AK5: variants seen among roughly 807,000 people sequenced by gnomAD.
AK5 encodes the protein adenylate kinase isoenzyme 5.
Under a neutral mutation model 69.5 loss-of-function variants are expected in AK5, and 27 were observed. The observed-to-expected ratio is 0.39, with a 90% CI of 0.29 to 0.54. The LOEUF (loss-of-function observed/expected upper bound fraction) is 0.54. Ranked by LOEUF, AK5 falls within the 20% of genes least tolerant of loss-of-function variation. The probability of loss-of-function intolerance (pLI) is 0.71; values close to 1 mark genes in which losing one functional copy is unlikely to be tolerated. For synonymous variants in AK5, 260 were observed against 244.4 expected, an observed-to-expected ratio of 1.06 and a Z score of -0.60; for missense variants, 531 against 700.4, an observed-to-expected ratio of 0.76 and a Z score of 2.73.
chr1:77,391,525 A>ATATATG (rs146163792), intron 6 of AK5, among the ~76,000 whole-genome samples: 3,121 of 121,534 alleles, frequency 0.026, 94 homozygotes, highest in Non-Finnish European at 0.037. Flanking sequence ...ATATATATAT[A>ATATATG]TATCTCCTCA....
chr1:77,392,568 T>C (rs1648557123), intron 6 of AK5, among the ~76,000 whole-genome samples: 1 of 152,338 alleles, frequency 6.6e-6, no homozygotes, highest in African/African-American at 2.4e-5. Context: ...CTATATTGGT[T>C]TCTCTTCCGT....
intron 6 of AK5, among the ~76,000 whole-genome samples, chr1:77,362,046 G>C (rs1288307739): frequency 5.3e-5 from 8 of 152,142 alleles, no homozygotes; most frequent in Non-Finnish European, 1.2e-4. Context: ...ATCTCATAGA[G>C]TTGTTGAGAA....
At chr1:77,455,893 C>G (rs998597014) in intron 8 of AK5, among the ~76,000 whole-genome samples, 12 of 152,190 alleles carry the variant, frequency 7.9e-5, no homozygotes. Flanking sequence ...GGAAGGCTGA[C>G]AGCTGAAAGG....
At chr1:77,444,251 CA>C (rs1652539234) in intron 8 of AK5, among the ~76,000 whole-genome samples, 1 of 47,250 alleles carries the variant, frequency 2.1e-5, no homozygotes, top group Non-Finnish European at 4.2e-5. Flanking sequence ...ATATACACAA[CA>C]TATGTGTATA....
At chr1:77,461,466 G>T (rs1653835744) in intron 8 of AK5, among the ~76,000 whole-genome samples, 2 of 150,972 alleles carry the variant, frequency 1.3e-5, no homozygotes, top group African/African-American at 4.9e-5. Context: ...CAGGTAGAAA[G>T]AATACATTCA....
intron 6 of AK5, among the ~76,000 whole-genome samples, chr1:77,367,779 AAT>A (rs374017451): frequency 9.6e-5 from 1 of 10,420 alleles, no homozygotes; most frequent in African/African-American, 2.4e-4. Flanking sequence ...TGTTATATAT[AAT>A]ATATGTTATA....
intron 12 of AK5, among the ~76,000 whole-genome samples, chr1:77,533,509 C>CAAAAAA (rs10526328): frequency 2.1e-5 from 2 of 94,970 alleles, no homozygotes; most frequent in African/African-American, 5.0e-5. Flanking sequence ...ACTCTGTCAC[C>CAAAAAA]AAAAAAAAAA....
chr1:77,455,918 G>T (rs567349431), intron 8 of AK5, among the ~76,000 whole-genome samples: 2 of 152,204 alleles, frequency 1.3e-5, no homozygotes, highest in Non-Finnish European at 2.9e-5. Context: ...AAGTCTTCCA[G>T]AATAGAGCAG....
chr1:77,365,960 C>T (rs1006375965), intron 6 of AK5, among the ~76,000 whole-genome samples: 2 of 152,128 alleles, frequency 1.3e-5, no homozygotes, highest in African/African-American at 4.8e-5. Flanking sequence ...AATGGCACTG[C>T]TTGGGCAATG....
chr1:77,538,864 T>C (rs1015387443), intron 13 of AK5, among the ~76,000 whole-genome samples: 3 of 152,208 alleles, frequency 2.0e-5, no homozygotes, highest in Non-Finnish European at 2.9e-5. Flanking sequence ...ATCTGATTTC[T>C]GGAATCTTCC....
At position 77,367,599 on chromosome 1, in the gene AK5, A is replaced by ATATATATATGTT. The variant is rs756398279; in HGVS notation, c.891+27031_891+27032insTATATATATGTT. Among the ~76,000 whole-genome samples the ATATATATATGTT allele has an allele frequency of 7.1e-4, 45 of 63,144 alleles. 7 individuals are homozygous for ATATATATATGTT. The East Asian group carries it at 0.011, about 16-fold the overall frequency. 41.4% of individuals were successfully genotyped at this position (63,144 alleles called of 152,430 possible). ...TATATAATATATATGTTATATATGT[A>ATATATATATGTT]ATATATATGTAATATATATGTTATA... On this transcript the variant is annotated intron_variant, in intron 6 of 13. Transcript: ENST00000354567.
At chr1:77,290,233 A>G (rs1442268758) in intron 2 of AK5, among the ~76,000 whole-genome samples, 1 of 152,228 alleles carries the variant, frequency 6.6e-6, no homozygotes, top group Admixed American at 6.5e-5. Flanking sequence ...TGGTCCTGTA[A>G]TAATACAATT....
intron 5 of AK5, among the ~76,000 whole-genome samples, chr1:77,334,469 G>A (rs866509387): frequency 2.6e-5 from 4 of 152,032 alleles, no homozygotes; most frequent in South Asian, 4.1e-4. Context: ...TTGCTTCTTG[G>A]ATCTGGGACT....
chr1:77,491,304 A>ATTTTTTTTTTTT (rs10700619), intron 10 of AK5, among the ~76,000 whole-genome samples: 29 of 87,370 alleles, frequency 3.3e-4, no homozygotes, highest in African/African-American at 6.2e-4. Flanking sequence ...CATGAATTGA[A>ATTTTTTTTTTTT]TTTTTTTTTT....
At chr1:77,434,795 G>A (rs1651859465) in intron 8 of AK5, among the ~76,000 whole-genome samples, 1 of 152,178 alleles carries the variant, frequency 6.6e-6, no homozygotes, top group South Asian at 2.1e-4. Context: ...AGTCTAACCT[G>A]ATGAAAAACT....
chr1:77,438,322 A>C (rs1024443306), intron 8 of AK5, among the ~76,000 whole-genome samples: 4 of 130,562 alleles, frequency 3.1e-5, no homozygotes, highest in African/African-American at 1.1e-4. Flanking sequence ...AAAAAAAAAA[A>C]AACAAGCTTG....
intron 6 of AK5, among the ~76,000 whole-genome samples, chr1:77,397,832 T>C (rs1214683656): frequency 6.6e-6 from 1 of 152,162 alleles, no homozygotes; most frequent in Non-Finnish European, 1.5e-5. Flanking sequence ...GGCCCAGAAG[T>C]TAGAGACTGC....
chr1:77,555,270 CCT>C (rs774046841), intron 13 of AK5, among the ~76,000 whole-genome samples: 78 of 152,202 alleles, frequency 5.1e-4, no homozygotes, highest in Non-Finnish European at 8.4e-4. Context: ...AGAGCAAGAC[CCT>C]GTTTTAAAAA....
At chr1:77,471,954 T>C (rs1444197995) in intron 8 of AK5, among the ~76,000 whole-genome samples, 2 of 152,210 alleles carry the variant, frequency 1.3e-5, no homozygotes, top group Non-Finnish European at 2.9e-5. Context: ...AGTTAAGTTA[T>C]GGATTCCAAA....
Sources: gnomAD v4.1 joint callset for allele counts (sites outside exome capture counted in the v4.1 genomes callset) on GRCh38, gnomAD v4.1.1 for gene constraint, MANE v1.5 for transcripts, NCBI Gene and HGNC (gene_info 2026-07-23, HGNC 2026-07-21) for gene names.